Variants in CHD5 observed in about 807,000 individuals in gnomAD.
CHD5 encodes chromodomain helicase DNA binding protein 5.
A neutral mutation model predicts 230.3 loss-of-function variants in CHD5; 69 were observed. The ratio of observed to expected loss-of-function variants is 0.30; its 90% confidence interval spans 0.25 to 0.37. CHD5 has a LOEUF of 0.37. Ranked by LOEUF, CHD5 falls within the 10% of genes least tolerant of loss-of-function variation. CHD5 has a pLI of 1.00. For missense variants in CHD5, 1,827 were observed against 2,622.8 expected (o/e 0.70, Z 6.63); for synonymous variants, 1,064 against 1,065.9 (o/e 1.00, Z 0.03).
chr1:6,114,756 G>GA (rs1348718595), intron 33 of CHD5, among the ~76,000 whole-genome samples: 3 of 151,494 alleles, frequency 2.0e-5, no homozygotes, highest in African/African-American at 4.8e-5. Flanking sequence ...CTCAAAACTA[G>GA]AAAAAAAACA....
chr1:6,180,105 C>G lies in CHD5; in HGVS notation c.-82G>C. On this transcript the variant is annotated 5_prime_UTR_variant, in exon 1 of 42. Coordinates refer to ENST00000262450, the MANE Select transcript of CHD5 (RefSeq NM_015557.3). ...AGCCTTAACCCGTGCGCTGCCGGAC[C>G]GGCGCGCGCGGCGGGCGAGGCGGCC... 2 of 610,306 alleles carry G rather than the reference C, an allele frequency of 3.3e-6. No homozygotes were observed. Among genetic ancestry groups the G allele is most frequent in the Non-Finnish European group, 4.3e-6 (2 of 464,222 alleles). 37.8% of individuals were successfully genotyped at this position (610,306 alleles called of 1,614,324 possible).
chr1:6,106,251 G>A lies in CHD5; in HGVS notation c.*29C>T, dbSNP rs140903833. 318 of 1,612,700 alleles carry A rather than the reference G, an allele frequency of 2.0e-4. 1 individual carries two copies. The African/African-American group carries it at 3.5e-3, about 18-fold the overall frequency. ...GCCCTCACCTCAGCTGGAAATGAGC[G>A]CTGCAACACAGGGAAGTCTCGAGGA... On this transcript the variant is annotated 3_prime_UTR_variant, in exon 41 of 42. Transcript: ENST00000262450.
rs1666139085 is a variant in CHD5, at chr1:6,105,070, A to G, written c.*404T>C. ...TGGAACCCATCGGTAAAGAGACATC[A>G]GTGCTGCAGGTTCGAATCTTCCATA... On this transcript the variant is annotated 3_prime_UTR_variant, in exon 42 of 42. Coordinates refer to ENST00000262450, the MANE Select transcript of CHD5 (RefSeq NM_015557.3). The surrounding 1 kb of genome is among the most constrained non-coding windows in gnomAD (Gnocchi z 4.8). 1 of 308,406 alleles carries G rather than the reference A, an allele frequency of 3.2e-6. No homozygotes were observed. The highest frequency in any genetic ancestry group is 6.3e-6 in the Non-Finnish European group (1 of 158,860). The allele number at this position is 308,406 out of a possible 1,614,324, so 19.1% of individuals were successfully genotyped here.
chr1:6,180,104 C>T lies in CHD5; in HGVS notation c.-81G>A, dbSNP rs1667491900. On this transcript the variant is annotated 5_prime_UTR_variant, in exon 1 of 42. Transcript: ENST00000262450. ...CAGCCTTAACCCGTGCGCTGCCGGA[C>T]CGGCGCGCGCGGCGGGCGAGGCGGC... 4.6e-6 allele frequency: 3 copies of T among 655,804 alleles called. No homozygotes were observed. The highest frequency in any genetic ancestry group is 5.9e-6 in the Non-Finnish European group (3 of 504,216). The allele number at this position is 655,804 out of a possible 1,614,324, so 40.6% of individuals were successfully genotyped here. A position where few individuals can be genotyped will look rare whatever the true frequency, so the allele number is the denominator to read the frequency against.
chr1:6,128,549 C>T lies in CHD5; in HGVS notation c.3680G>A (p.Gly1227Glu), dbSNP rs1557544846. The T allele has an allele frequency of 1.7e-5, 28 of 1,614,160 alleles. No homozygotes were observed. The highest frequency in any genetic ancestry group is 2.3e-5 in the Non-Finnish European group (27 of 1,180,024). Residue 1227 changes from glycine to glutamate, a missense_variant, in exon 24 of 42, where the codon GGG becomes GAG. Coordinates refer to ENST00000262450, the MANE Select transcript of CHD5 (RefSeq NM_015557.3). This position sits in a 1 kb window ranked among gnomAD's most constrained non-coding sequence, Gnocchi z 7.8. ...CTTTGCACTGGCGGCCAAGTTCCCC[C>T]CTTTGGAGGACTGGACATCAGGGAT... ...TPIPDVQSSK[G>E]GNLAASAKKK...
At chr1:6,135,499 T>G in intron 17 of CHD5, 96 bp from the exon 18 acceptor site, 1 of 1,118,438 alleles carries the variant, frequency 8.9e-7, no homozygotes, top group Non-Finnish European at 1.3e-6. Context: ...GGCTAGCTGG[T>G]GAACCAGGGA....
Position 6,146,436 on chromosome 1 carries a change from C to T in CHD5, c.1591-13G>A, listed in dbSNP as rs889336087. On this transcript the variant is annotated splice_polypyrimidine_tract_variant and intron_variant, in intron 10 of 41. Transcript: ENST00000262450. This position sits in a 1 kb window ranked among gnomAD's most constrained non-coding sequence, Gnocchi z 5.1. ...GGTACAGCTCCAGCTGCTCATGGAG[C>T]GGCACAAAGTCACAGAAGGGAGATG... 1.5e-5 allele frequency: 24 copies of T among 1,609,922 alleles called. No individual in the cohort carries two copies. Among genetic ancestry groups the T allele is most frequent in the African/African-American group, 4.0e-5 (3 of 74,770 alleles).
intron 2 of CHD5, among the ~76,000 whole-genome samples, chr1:6,163,639 AG>A (rs1667210632): frequency 6.6e-6 from 1 of 152,256 alleles, no homozygotes; most frequent in African/African-American, 2.4e-5. Context: ...TCCAGCGGCA[AG>A]AAGGAAAGAA....
Position 6,124,497 on chromosome 1 carries a change from A to T in CHD5, c.4539+20T>A. ...CCAGGCAGCCACCAGGAAGGGCCCT[A>T]CAGAGAGTTACTCACCCACCTTCTT... On this transcript the variant is annotated intron_variant, in intron 30 of 41. Transcript: ENST00000262450. The T allele has an allele frequency of 6.2e-7, 1 of 1,613,840 alleles. No homozygotes were observed. The highest frequency in any genetic ancestry group is 8.5e-7 in the Non-Finnish European group (1 of 1,179,786).
In CHD5 at chr1:6,130,126, G is replaced by T; in HGVS notation, c.3387+78C>A. The T allele has an allele frequency of 6.5e-7, 1 of 1,535,362 alleles. No individual in the cohort carries two copies. On this transcript the variant is annotated intron_variant, in intron 22 of 41. Transcript: ENST00000262450. This position sits in a 1 kb window ranked among gnomAD's most constrained non-coding sequence, Gnocchi z 4.9. ...ATAGGTGAGGGGGTGATGGCAAGAA[G>T]GGCATGAAGGACAGAACCTGCCTGA...
Position 6,134,901 on chromosome 1 carries a change from C to T in CHD5, c.2871-42G>A. ...GGAAAGGCAGGCTGGGTCAGACCCG[C>T]CTCCATGAGGGCTCTCTCTGCTCTG... On this transcript the variant is annotated intron_variant, in intron 18 of 41. Transcript: ENST00000262450. This position sits in a 1 kb window ranked among gnomAD's most constrained non-coding sequence, Gnocchi z 6.3. 1 of 1,612,390 alleles carries T rather than the reference C, an allele frequency of 6.2e-7. No individual in the cohort carries two copies. Among genetic ancestry groups the T allele is most frequent in the South Asian group, 1.1e-5 (1 of 90,950 alleles).
intron 15 of CHD5, among the ~76,000 whole-genome samples, chr1:6,140,123 C>A (rs552905001): frequency 6.6e-6 from 1 of 152,312 alleles, no homozygotes; most frequent in Non-Finnish European, 1.5e-5. Flanking sequence ...GAGGCTCAGG[C>A]CAGGTGCGGT....
Position 6,148,892 on chromosome 1 carries a change from C to G in CHD5, c.1345G>C (p.Glu449Gln). ...CAGAGCCATTCACCGTTTGGGATCT[C>G]GGGCAGCGGCGGGTTGAGGCAATGC... ...HLHCLNPPLP[E>Q]IPNGEWLCPR... is the part of the protein sequence containing the mutation. The change falls in exon 9 of 42, where the codon GAG (glutamate) becomes CAG (glutamine). Residue 449 changes from glutamate to glutamine, a missense_variant. Physicochemically the swap from Glu to Gln is conservative, Grantham distance 29 (BLOSUM62 2). This residue lies in a region of CHD5 where 657 missense variants were observed against 816.4 expected (regional missense o/e 0.80). Transcript: ENST00000262450. The G allele has an allele frequency of 6.3e-7, 1 of 1,584,432 alleles. No homozygotes were observed. The highest frequency in any genetic ancestry group is 8.6e-7 in the Non-Finnish European group (1 of 1,164,434).
At position 6,129,208 on chromosome 1, in the gene CHD5, G is replaced by A; in HGVS notation, c.3388-139C>T. The A allele has an allele frequency of 1.6e-6, 1 of 633,802 alleles. No individual in the cohort carries two copies. Among genetic ancestry groups the A allele is most frequent in the Admixed American group, 2.7e-5 (1 of 37,686 alleles). 39.3% of individuals were successfully genotyped at this position (633,802 alleles called of 1,614,324 possible). Reference sequence around the variant, plus strand: ...GGCGTGTGGTGCGTCCAGGTGTGTGGAGCCCACCACTGCAGCTGGGCTCCC... The same window carrying A: ...GGCGTGTGGTGCGTCCAGGTGTGTGAAGCCCACCACTGCAGCTGGGCTCCC... On this transcript the variant is annotated intron_variant, in intron 22 of 41. Transcript: ENST00000262450. The surrounding 1 kb of genome is among the most constrained non-coding windows in gnomAD (Gnocchi z 6.8).
rs751449048 is a variant in CHD5, at chr1:6,134,876, G to A, written c.2871-17C>T. On this transcript the variant is annotated splice_polypyrimidine_tract_variant and intron_variant, in intron 18 of 41. Transcript: ENST00000262450. This position sits in a 1 kb window ranked among gnomAD's most constrained non-coding sequence, Gnocchi z 6.3. ...TAGTACTTCCTGCAGCAGGGCACGA[G>A]GAAAGGCAGGCTGGGTCAGACCCGC... 1.2e-6 allele frequency: 2 copies of A among 1,613,878 alleles called. No homozygotes were observed. The highest frequency in any genetic ancestry group is 1.1e-5 in the South Asian group (1 of 91,080).
chr1:6,119,876 T>C (rs1169086350), intron 33 of CHD5, among the ~76,000 whole-genome samples: 3 of 147,088 alleles, frequency 2.0e-5, no homozygotes, highest in African/African-American at 7.5e-5. Flanking sequence ...TTTTTTTTTT[T>C]CTGAGATTGA....
intron 1 of CHD5, among the ~76,000 whole-genome samples, chr1:6,178,304 C>A (rs1370968778): frequency 6.6e-6 from 1 of 152,038 alleles, no homozygotes; most frequent in Non-Finnish European, 1.5e-5. Context: ...CTTCCCCTCC[C>A]CAACCTCTAA....
rs531157865 is a variant in CHD5, at chr1:6,172,744, T to G, written c.80-4467A>C. ...TCAGGCTGGTCTGTGGTCTGGCAGGTCACAGGTCCCTCAAGGGGGTCAAGG... is the reference window on the plus strand; with the variant it reads ...TCAGGCTGGTCTGTGGTCTGGCAGGGCACAGGTCCCTCAAGGGGGTCAAGG... On this transcript the variant is annotated intron_variant, in intron 1 of 41. Coordinates refer to ENST00000262450, the MANE Select transcript of CHD5 (RefSeq NM_015557.3). Among the ~76,000 whole-genome samples the G allele has an allele frequency of 1.3e-5, 2 of 152,094 alleles. 1 individual carries two copies. The highest frequency in any genetic ancestry group is 4.2e-4 in the South Asian group (2 of 4,818).
Position 6,125,376 on chromosome 1 carries a change from G to A in CHD5, c.4261-143C>T, listed in dbSNP as rs1444843273. The A allele has an allele frequency of 1.1e-5, 13 of 1,205,414 alleles. No individual in the cohort carries two copies. The East Asian group carries it at 2.0e-4, about 19-fold the overall frequency. 74.7% of individuals were successfully genotyped at this position (1,205,414 alleles called of 1,614,324 possible). ...AGGCAGGGGCCTCCACCTGGGGCAG[G>A]ACCCTGACGGCGAAGACCAGACCAA... On this transcript the variant is annotated intron_variant, in intron 28 of 41. Coordinates refer to ENST00000262450, the MANE Select transcript of CHD5 (RefSeq NM_015557.3). The surrounding 1 kb of genome is among the most constrained non-coding windows in gnomAD (Gnocchi z 6.7).
Sources: gnomAD v4.1 joint callset for allele counts (sites outside exome capture counted in the v4.1 genomes callset) on GRCh38, gnomAD v4.1.1 for gene constraint, gnomAD v4.1.1 regional missense constraint, Gnocchi (gnomAD v3.1) non-coding constraint, MANE v1.5 for transcripts, NCBI Gene and HGNC (gene_info 2026-07-23, HGNC 2026-07-21) for gene names.